Variants in GXYLT2 observed in about 807,000 individuals in gnomAD.
GXYLT2 encodes the protein glycosyltransferase 8 domain containing 4.
GXYLT2 carries 53 observed loss-of-function variants against 45.8 expected under a neutral mutation model. The observed-to-expected ratio is 1.16, with a 90% confidence interval of 0.93 to 1.46. The LOEUF (loss-of-function observed/expected upper bound fraction) is 1.46. Ranked by LOEUF, GXYLT2 falls within the 40% of genes most tolerant of loss-of-function variation. The pLI is 0.00. For synonymous variants in GXYLT2, 219 were observed against 214.2 expected, an observed-to-expected ratio of 1.02 and a Z score of -0.19; for missense variants, 551 against 544.4, an observed-to-expected ratio of 1.01 and a Z score of -0.12.
intron 6 of GXYLT2, among the ~76,000 whole-genome samples, chr3:72,970,588 G>A (rs1459366985): frequency 6.6e-6 from 1 of 152,112 alleles, no homozygotes; most frequent in Non-Finnish European, 1.5e-5. Flanking sequence ...GGCTGAGCGT[G>A]GTGGCTCACA....
At chr3:72,893,849 GTT>G (rs113369269) in intron 1 of GXYLT2, among the ~76,000 whole-genome samples, 1 of 145,910 alleles carries the variant, frequency 6.9e-6, no homozygotes. Context: ...TATTATTTGG[GTT>G]TTTTTTTTTG....
At chr3:72,974,127 A>T (rs376380834) in intron 6 of GXYLT2, among the ~76,000 whole-genome samples, 131 of 152,270 alleles carry the variant, frequency 8.6e-4, no homozygotes, top group African/African-American at 2.9e-3. Context: ...CTTTGACTTG[A>T]TCTACTACCA....
intron 5 of GXYLT2, among the ~76,000 whole-genome samples, chr3:72,958,000 G>T (rs981945885): frequency 2.6e-5 from 4 of 152,144 alleles, no homozygotes; most frequent in Non-Finnish European, 5.9e-5. Flanking sequence ...CCCAGGCACA[G>T]TGGCTCACAC....
chr3:72,972,045 A>G (rs932051296), intron 6 of GXYLT2, among the ~76,000 whole-genome samples: 1 of 151,448 alleles, frequency 6.6e-6, no homozygotes, highest in Non-Finnish European at 1.5e-5. Flanking sequence ...TCTTGCTTAT[A>G]AACAGTTTCT....
At chr3:72,957,940 C>CT (rs1265877837) in intron 5 of GXYLT2, among the ~76,000 whole-genome samples, 7 of 152,040 alleles carry the variant, frequency 4.6e-5, no homozygotes, top group Non-Finnish European at 1.0e-4. Flanking sequence ...TAATAAAATT[C>CT]TTTTTTCCTC....
intron 1 of GXYLT2, among the ~76,000 whole-genome samples, chr3:72,892,489 G>T (rs1460044998): frequency 6.6e-6 from 1 of 152,058 alleles, no homozygotes; most frequent in Non-Finnish European, 1.5e-5. Flanking sequence ...CATTTACTCT[G>T]CCAGGCACTC....
Position 72,889,128 on chromosome 3 carries a change from T to TG in GXYLT2, c.275+620_275+621insG, listed in dbSNP as rs1242794127. Among the ~76,000 whole-genome samples the TG allele has an allele frequency of 2.0e-5, 3 of 148,598 alleles. No homozygotes were observed. The East Asian group carries it at 6.1e-4, about 30-fold the overall frequency. On this transcript the variant is annotated intron_variant, in intron 1 of 6. Coordinates refer to ENST00000389617, the MANE Select transcript of GXYLT2 (RefSeq NM_001080393.2). ...AGGGTCCTCCTACAAGAAAAACAAC[T>TG]TAACCTTCGACCTTCTGTTTGATAC...
chr3:72,946,902 C>T (rs1018604342), intron 3 of GXYLT2, among the ~76,000 whole-genome samples: 1 of 152,170 alleles, frequency 6.6e-6, no homozygotes, highest in South Asian at 2.1e-4. Flanking sequence ...TAGCTCACTG[C>T]AGCCTCAAAC....
At position 72,958,649 on chromosome 3, in the gene GXYLT2, T is replaced by G. The variant is rs1175713659; in HGVS notation, c.976+1297T>G. ...TGTGGCTTTTTTTTTTTTTTTTTTT[T>G]GGGACAGAGTCTGGCTCTGTCGCCC... is the stretch of plus-strand genomic sequence containing the variant. On this transcript the variant is annotated intron_variant, in intron 5 of 6. Transcript: ENST00000389617. Among the ~76,000 whole-genome samples, 15 of 122,674 alleles carry G rather than the reference T, an allele frequency of 1.2e-4. No homozygotes were observed. The East Asian group carries it at 1.9e-3, about 16-fold the overall frequency. 80.5% of individuals were successfully genotyped at this position (122,674 alleles called of 152,430 possible).
At chr3:72,935,077 C>T (rs562958200) in intron 3 of GXYLT2, among the ~76,000 whole-genome samples, 1 of 152,126 alleles carries the variant, frequency 6.6e-6, no homozygotes, top group Middle Eastern at 3.4e-3. Flanking sequence ...TCAAAACAAA[C>T]AAAGGGAGCT....
chr3:72,937,812 T>C (rs969423267), intron 3 of GXYLT2, among the ~76,000 whole-genome samples: 2 of 152,236 alleles, frequency 1.3e-5, no homozygotes, highest in Non-Finnish European at 2.9e-5. Context: ...TTGCTCAGAC[T>C]CGCCAGTTTA....
At chr3:72,919,399 G>T (rs755874498) in intron 2 of GXYLT2, among the ~76,000 whole-genome samples, 10 of 152,178 alleles carry the variant, frequency 6.6e-5, no homozygotes, top group Non-Finnish European at 1.5e-4. Flanking sequence ...AAAAGGCAAG[G>T]TACTATATGA....
intron 1 of GXYLT2, among the ~76,000 whole-genome samples, chr3:72,888,833 C>T (rs1174935509): frequency 2.0e-5 from 3 of 152,176 alleles, no homozygotes; most frequent in African/African-American, 4.8e-5. Flanking sequence ...AAAGCCATCA[C>T]GGTGCAAGAA....
Position 72,888,446 on chromosome 3 carries a change from G to C in GXYLT2, c.213G>C (p.Arg71=). The C allele has an allele frequency of 8.3e-7, 1 of 1,200,528 alleles. No individual in the cohort carries two copies. The allele number at this position is 1,200,528 out of a possible 1,614,324, so 74.4% of individuals were successfully genotyped here. A position where few individuals can be genotyped will look rare whatever the true frequency, so the allele number is the denominator to read the frequency against. Residue 71 remains arginine (R), a synonymous_variant, in exon 1 of 7, where the codon CGG becomes CGC. Coordinates refer to ENST00000389617, the MANE Select transcript of GXYLT2 (RefSeq NM_001080393.2). ...PGASPGVRRR[R]PPRPRPRAGR... is the part of the protein sequence containing the mutation. Reference sequence around the variant, plus strand: ...CCAGCCCGGGAGTTCGGAGGCGCCGGCCCCCGCGTCCGCGCCCCCGAGCGG... The same window carrying C: ...CCAGCCCGGGAGTTCGGAGGCGCCGCCCCCCGCGTCCGCGCCCCCGAGCGG...
In GXYLT2 at chr3:72,957,452, G is replaced by A. The variant is rs867232507; in HGVS notation, c.976+100G>A. The A allele has an allele frequency of 1.8e-4, 207 of 1,180,218 alleles. 5 individuals are homozygous for A. The Middle Eastern group carries it at 4.4e-3, about 25-fold the overall frequency. 73.1% of individuals were successfully genotyped at this position (1,180,218 alleles called of 1,614,324 possible). A position where few individuals can be genotyped will look rare whatever the true frequency, so the allele number is the denominator to read the frequency against. On this transcript the variant is annotated intron_variant, in intron 5 of 6. Transcript: ENST00000389617. ...GGTTGCTATTGACTAGGCTTGAATT[G>A]TGCACAGAGGAGCCTGTGTTCCCCA...
intron 3 of GXYLT2, chr3:72,928,902 A>T (rs4677209): frequency 0.58 from 397,962 of 686,104 alleles, 118,746 homozygotes; most frequent in Admixed American, 0.66. Context: ...CTTGGACGGA[A>T]CCCGGCGTTC....
At chr3:72,964,985 C>A (rs952234371) in intron 5 of GXYLT2, among the ~76,000 whole-genome samples, 1 of 152,174 alleles carries the variant, frequency 6.6e-6, no homozygotes, top group African/African-American at 2.4e-5. Context: ...TCACATCCAG[C>A]CTCTGCATTA....
At chr3:72,948,129 T>C (rs1206590340) in intron 3 of GXYLT2, among the ~76,000 whole-genome samples, 2 of 152,228 alleles carry the variant, frequency 1.3e-5, no homozygotes, top group Non-Finnish European at 2.9e-5. Context: ...CCTGTTGATA[T>C]AAATGAATTT....
At chr3:72,890,883 A>C (rs1709170402) in intron 1 of GXYLT2, among the ~76,000 whole-genome samples, 1 of 152,198 alleles carries the variant, frequency 6.6e-6, no homozygotes, top group African/African-American at 2.4e-5. Context: ...CAAAATTTTA[A>C]AACTGGGGAA....
Sources: gnomAD v4.1 joint callset for allele counts (sites outside exome capture counted in the v4.1 genomes callset) on GRCh38, gnomAD v4.1.1 for gene constraint, MANE v1.5 for transcripts, NCBI Gene and HGNC (gene_info 2026-07-23, HGNC 2026-07-21) for gene names.